The following MAP3K20 variants were observed in gnomAD, a reference collection of about 807,000 sequenced individuals.
MAP3K20 encodes HCCS-4.
In MAP3K20, 40 loss-of-function variants were observed where a neutral mutation model predicts 85.7. The observed-to-expected ratio is 0.47, with a 90% CI of 0.36 to 0.61. The LOEUF (loss-of-function observed/expected upper bound fraction) is 0.61, where lower values mean the gene tolerates loss of function less well. Ranked by LOEUF, MAP3K20 falls within the 20% of genes least tolerant of loss-of-function variation. The probability of loss-of-function intolerance (pLI) is 0.00; values close to 1 mark genes in which losing one functional copy is unlikely to be tolerated. For missense variants in MAP3K20, 817 were observed against 961.7 expected (o/e 0.85, Z 1.99); for synonymous variants, 325 against 327.7 (o/e 0.99, Z 0.09).
chr2:173,250,769 G>A (rs910778033), intron 16 of MAP3K20, among the ~76,000 whole-genome samples: 28 of 152,044 alleles, frequency 1.8e-4, no homozygotes, highest in Admixed American at 1.6e-3. Context: ...GCTGAAAGAG[G>A]TTATTAATGG....
chr2:173,142,171 A>C (rs1341915546), intron 2 of MAP3K20, among the ~76,000 whole-genome samples: 1 of 152,226 alleles, frequency 6.6e-6, no homozygotes. Flanking sequence ...TAATGTATGT[A>C]CGTTAAAATA....
At chr2:173,099,334 T>TG (rs1687561677) in intron 2 of MAP3K20, among the ~76,000 whole-genome samples, 2 of 116,706 alleles carry the variant, frequency 1.7e-5, no homozygotes, top group African/African-American at 8.2e-5. Context: ...TGTTTTGTTT[T>TG]GTTTTTTTTT....
intron 16 of MAP3K20, among the ~76,000 whole-genome samples, chr2:173,256,299 T>TA (rs1375233140): frequency 1.3e-5 from 2 of 152,208 alleles, no homozygotes; most frequent in African/African-American, 2.4e-5. Context: ...AGGTGCTTGG[T>TA]ACATTAGCCT....
chr2:173,225,313 G>T, intron 11 of MAP3K20: 1 of 311,920 alleles, frequency 3.2e-6, no homozygotes, highest in Non-Finnish European at 4.7e-6. Flanking sequence ...TCCAAAAGGG[G>T]CAGGGCACGG....
chr2:173,132,422 G>C (rs552632594), intron 2 of MAP3K20, among the ~76,000 whole-genome samples: 1 of 152,142 alleles, frequency 6.6e-6, no homozygotes, highest in East Asian at 1.9e-4. Context: ...AGAGAGGGAA[G>C]AATCCTCTCC....
rs201693932 is a variant in MAP3K20, at chr2:173,239,483, G to A, written c.1346G>A (p.Gly449Glu). 5.9e-4 allele frequency: 957 copies of A among 1,611,830 alleles called. 2 individuals are homozygous for A. In the Middle Eastern group the frequency reaches 7.4e-3, roughly 13 times the overall value. The change falls in exon 16 of 20, where the codon GGA (glycine) becomes GAA (glutamate). Residue 449 changes from glycine to glutamate, a missense_variant. Physicochemically the swap from Gly to Glu is moderately conservative, Grantham distance 98. Coordinates refer to ENST00000375213, the MANE Select transcript of MAP3K20 (RefSeq NM_016653.3). ...ELVFGFHLKP[G>E]TGPQDCKWKM... ...GTTTTTGGTTTTCACTTGAAACCAG[G>A]AACTGGCCCACAGGTAAATCACATT...
intron 10 of MAP3K20, 89 bp downstream of exon 10, chr2:173,209,924 C>T (rs1683826726): frequency 3.4e-6 from 4 of 1,183,250 alleles, no homozygotes; most frequent in African/African-American, 1.5e-5. Flanking sequence ...ATCTGAATGA[C>T]AGTCCTGATT....
At chr2:173,204,670 A>G (rs1182497399) in intron 9 of MAP3K20, among the ~76,000 whole-genome samples, 1 of 152,240 alleles carries the variant, frequency 6.6e-6, no homozygotes, top group East Asian at 1.9e-4. Flanking sequence ...CTTCAAAACA[A>G]AGTGAAGGGA....
At chr2:173,225,465 A>T (rs1041552899) in intron 11 of MAP3K20, 26 of 483,412 alleles carry the variant, frequency 5.4e-5, no homozygotes, top group Non-Finnish European at 6.5e-5. Flanking sequence ...GTGGTGTCAC[A>T]TGCCAGTAAC....
intron 19 of MAP3K20, among the ~76,000 whole-genome samples, chr2:173,264,509 T>A (rs1052013196): frequency 1.3e-5 from 2 of 152,162 alleles, no homozygotes; most frequent in African/African-American, 4.8e-5. Context: ...AAAACTTTTC[T>A]AGAAACCCCC....
intron 16 of MAP3K20, among the ~76,000 whole-genome samples, chr2:173,248,031 CAG>C (rs1684960423): frequency 6.6e-6 from 1 of 152,152 alleles, no homozygotes; most frequent in Admixed American, 6.6e-5. Flanking sequence ...GGACAGAGCA[CAG>C]GGTGTGCAGG....
At chr2:173,202,952 G>A (rs778654256) in intron 8 of MAP3K20, among the ~76,000 whole-genome samples, 10 of 152,174 alleles carry the variant, frequency 6.6e-5, no homozygotes, top group African/African-American at 9.7e-5. Flanking sequence ...GTTAGAGTTA[G>A]ATTCTAGGCC....
intron 8 of MAP3K20, 55 bp from the exon 9 acceptor site, chr2:173,203,741 C>A: frequency 7.4e-7 from 1 of 1,356,504 alleles, no homozygotes; most frequent in Non-Finnish European, 1.1e-6. Flanking sequence ...TGTTTGCTGA[C>A]ATTAATGAAT....
In MAP3K20 at chr2:173,183,215, G is replaced by A. The variant is rs34568516; in HGVS notation, c.349+260G>A. Among the ~76,000 whole-genome samples the A allele has an allele frequency of 9.8e-3, 1,484 of 152,086 alleles. 7 individuals are homozygous for A. Among genetic ancestry groups the A allele is most frequent in the Non-Finnish European group, 0.016 (1,099 of 67,976 alleles). On this transcript the variant is annotated intron_variant, in intron 4 of 19. Coordinates refer to ENST00000375213, the MANE Select transcript of MAP3K20 (RefSeq NM_016653.3). ...CTAGTTGTAGCTTCAGGGCAGACAT[G>A]TTTGTCATGTTTTGTGATATTATAA...
intron 5 of MAP3K20, among the ~76,000 whole-genome samples, chr2:173,188,068 A>G (rs1690540939): frequency 1.3e-5 from 2 of 152,132 alleles, no homozygotes; most frequent in Admixed American, 1.3e-4. Context: ...CGTGGTGTGA[A>G]TTGTTGATGC....
rs80325830 is a variant in MAP3K20, at chr2:173,266,494, G to A, written c.2147G>A (p.Arg716Lys). 1,357 of 1,614,126 alleles carry A rather than the reference G, an allele frequency of 8.4e-4. 8 individuals carry two copies. In the African/African-American group the frequency reaches 0.013, roughly 15 times the overall value. Residue 716 changes from arginine to lysine, a missense_variant, in exon 20 of 20, where the codon AGG becomes AAG. Coordinates refer to ENST00000375213, the MANE Select transcript of MAP3K20 (RefSeq NM_016653.3). ...GGAAGATACCCTGGAAAGTTCTACAGGGTTTCTCAGTCAGCACTCAATCCT... is the reference window on the plus strand; with the variant it reads ...GGAAGATACCCTGGAAAGTTCTACAAGGTTTCTCAGTCAGCACTCAATCCT... ...SRGRYPGKFY[R>K]VSQSALNPHQ...
chr2:173,239,605 G>C, intron 16 of MAP3K20, 109 bp downstream of exon 16: 1 of 946,712 alleles, frequency 1.1e-6, no homozygotes, highest in Non-Finnish European at 1.5e-6. Flanking sequence ...ACTGGATTTT[G>C]AGTAAATTTA....
chr2:173,217,391 C>T, intron 11 of MAP3K20, 141 bp downstream of exon 11: 1 of 973,500 alleles, frequency 1.0e-6, no homozygotes, highest in South Asian at 4.1e-5. Flanking sequence ...AAAGGGCCCG[C>T]GTGTGGACTC....
At chr2:173,101,598 T>C (rs1211222439) in intron 2 of MAP3K20, among the ~76,000 whole-genome samples, 1 of 152,114 alleles carries the variant, frequency 6.6e-6, no homozygotes, top group Non-Finnish European at 1.5e-5. Flanking sequence ...AGAAGAAAAA[T>C]AGTATACAGC....
Sources: gnomAD v4.1 joint callset for allele counts (sites outside exome capture counted in the v4.1 genomes callset) on GRCh38, gnomAD v4.1.1 for gene constraint, MANE v1.5 for transcripts, NCBI Gene and HGNC (gene_info 2026-07-23, HGNC 2026-07-21) for gene names.